The following KCNMB2 variants were observed in gnomAD, a reference collection of about 807,000 sequenced individuals.
The protein encoded by KCNMB2 is potassium calcium-activated channel subfamily M regulatory beta subunit 2, also known as calcium-activated potassium channel subunit beta-2.
KCNMB2 carries 9 observed loss-of-function variants against 24.5 expected under a neutral mutation model. The ratio of observed to expected loss-of-function variants is 0.37; its 90% CI spans 0.22 to 0.64. The LOEUF (loss-of-function observed/expected upper bound fraction) is 0.64. KCNMB2 is among the 30% of genes least tolerant of loss of function. The pLI, the probability that KCNMB2 is intolerant of heterozygous loss-of-function variation, is 0.63. For missense variants in KCNMB2, 226 were observed against 284.3 expected (o/e 0.79, Z 1.47); for synonymous variants, 109 against 104.4 (o/e 1.04, Z -0.27).
At chr3:178,775,037 C>A (rs1712524545) in intron 1 of KCNMB2, among the ~76,000 whole-genome samples, 1 of 152,206 alleles carries the variant, frequency 6.6e-6, no homozygotes, top group African/African-American at 2.4e-5. Flanking sequence ...GAAACAGATT[C>A]ACTTTCTTTA....
chr3:178,548,792 T>G (rs1304266228), intron 1 of KCNMB2, among the ~76,000 whole-genome samples: 1 of 152,226 alleles, frequency 6.6e-6, no homozygotes, highest in African/African-American at 2.4e-5. Flanking sequence ...CATAATTATA[T>G]GTATAAATAA....
chr3:178,682,826 C>T (rs1721315388), intron 1 of KCNMB2, among the ~76,000 whole-genome samples: 1 of 151,788 alleles, frequency 6.6e-6, no homozygotes, highest in African/African-American at 2.4e-5. Context: ...TACCATCTCA[C>T]ATCAGTCAAA....
chr3:178,716,886 G>C (rs1722635564), intron 1 of KCNMB2, among the ~76,000 whole-genome samples: 1 of 152,060 alleles, frequency 6.6e-6, no homozygotes. Flanking sequence ...ACATTCCAGG[G>C]ACACCCCTTC....
intron 1 of KCNMB2, among the ~76,000 whole-genome samples, chr3:178,736,359 G>T (rs1434036547): frequency 1.3e-5 from 2 of 152,058 alleles, no homozygotes; most frequent in African/African-American, 4.8e-5. Flanking sequence ...ATCTTTAAAG[G>T]GCCTGCTTCT....
chr3:178,818,144 C>G (rs537814591), intron 2 of KCNMB2, among the ~76,000 whole-genome samples: 7 of 152,298 alleles, frequency 4.6e-5, no homozygotes, highest in Non-Finnish European at 8.8e-5. Flanking sequence ...CTCTTCTGCC[C>G]TTTCCATGTT....
At chr3:178,624,928 G>A (rs1283883997) in intron 1 of KCNMB2, among the ~76,000 whole-genome samples, 1 of 152,130 alleles carries the variant, frequency 6.6e-6, no homozygotes, top group Non-Finnish European at 1.5e-5. Flanking sequence ...GCTGCCCAGA[G>A]TGAGGGAAAC....
intron 1 of KCNMB2, among the ~76,000 whole-genome samples, chr3:178,679,051 TG>T (rs1335859127): frequency 7.0e-4 from 52 of 73,914 alleles, no homozygotes; most frequent in African/African-American, 2.3e-3. Context: ...TTTTTTGTTT[TG>T]TTTTTGTTTT....
At chr3:178,552,387 C>G (rs1443834611) in intron 1 of KCNMB2, among the ~76,000 whole-genome samples, 2 of 152,080 alleles carry the variant, frequency 1.3e-5, no homozygotes, top group Non-Finnish European at 1.5e-5. Context: ...TAAACCCCCC[C>G]CCAAAATATT....
At chr3:178,812,422 G>A (rs1714231557) in intron 2 of KCNMB2, among the ~76,000 whole-genome samples, 1 of 126,590 alleles carries the variant, frequency 7.9e-6, no homozygotes, top group Admixed American at 1.0e-4. Flanking sequence ...GGTGTGTGAT[G>A]TTCCCCTTCC....
chr3:178,663,546 C>A (rs923380274), intron 1 of KCNMB2, among the ~76,000 whole-genome samples: 1 of 152,070 alleles, frequency 6.6e-6, no homozygotes, highest in South Asian at 2.1e-4. Context: ...TTCTGACTTA[C>A]AAAATCCCTT....
At position 178,607,510 on chromosome 3, in the gene KCNMB2, G is replaced by A. The variant is rs112307091; in HGVS notation, c.-68+70799G>A. Among the ~76,000 whole-genome samples the A allele has an allele frequency of 8.5e-5, 13 of 152,240 alleles. 1 individual carries two copies. The highest frequency in any genetic ancestry group is 3.1e-4 in the African/African-American group (13 of 41,552). ...TACAGAGTTGTGTTTCTCAGTCTCT[G>A]TAATGTAGGCATTGTATCTTATCTG... On this transcript the variant is annotated intron_variant, in intron 1 of 4. Transcript: ENST00000452583.
chr3:178,805,839 T>A (rs144426649), intron 1 of KCNMB2, among the ~76,000 whole-genome samples: 2 of 152,086 alleles, frequency 1.3e-5, no homozygotes, highest in Non-Finnish European at 2.9e-5. Flanking sequence ...GATCTTGCTA[T>A]GTTGCCAGGT....
intron 1 of KCNMB2, among the ~76,000 whole-genome samples, chr3:178,690,472 A>G (rs933334836): frequency 6.6e-6 from 1 of 152,218 alleles, no homozygotes; most frequent in African/African-American, 2.4e-5. Context: ...ACCAAAATAT[A>G]TAAAAGCATC....
chr3:178,823,912 C>CCA (rs111809643), intron 2 of KCNMB2, among the ~76,000 whole-genome samples: 39,269 of 151,406 alleles, frequency 0.26, 6,766 homozygotes, highest in African/African-American at 0.5. Flanking sequence ...TTGCCTGAAG[C>CCA]TAAAAAAAAA....
At chr3:178,686,070 A>G (rs1012118383) in intron 1 of KCNMB2, among the ~76,000 whole-genome samples, 1 of 152,110 alleles carries the variant, frequency 6.6e-6, no homozygotes, top group African/African-American at 2.4e-5. Flanking sequence ...GAGAGATAAT[A>G]AACCTTGATG....
intron 1 of KCNMB2, among the ~76,000 whole-genome samples, chr3:178,626,590 G>A (rs1279914738): frequency 1.3e-5 from 2 of 152,112 alleles, no homozygotes; most frequent in Non-Finnish European, 1.5e-5. Context: ...CAGCAGGAGA[G>A]AAAGGGTATG....
rs139558767 is a variant in KCNMB2 at position 178,695,685 on chromosome 3, C to T, written c.-67-111658C>T. ...GTTCCTCATCTCCATCCGAGACCAC[C>T]TCAGCCTGGATTTCATTGTCTATAT... On this transcript the variant is annotated intron_variant, in intron 1 of 4. Coordinates refer to ENST00000452583, the MANE Select transcript of KCNMB2 (RefSeq NM_181361.3). Among the ~76,000 whole-genome samples, 1,146 of 152,262 alleles carry T rather than the reference C, an allele frequency of 7.5e-3. 15 individuals carry two copies. Among genetic ancestry groups the T allele is most frequent in the African/African-American group, 0.027 (1,111 of 41,550 alleles).
intron 1 of KCNMB2, among the ~76,000 whole-genome samples, chr3:178,747,330 C>A (rs1723704437): frequency 1.3e-5 from 2 of 152,162 alleles, no homozygotes; most frequent in African/African-American, 4.8e-5. Flanking sequence ...GACATGCACC[C>A]ATGACTCAAT....
intron 1 of KCNMB2, among the ~76,000 whole-genome samples, chr3:178,551,259 T>C (rs1472072488): frequency 6.6e-6 from 1 of 152,246 alleles, no homozygotes; most frequent in East Asian, 1.9e-4. Context: ...TCCTATTTTG[T>C]AGATTACACA....
Sources: gnomAD v4.1 joint callset for allele counts (sites outside exome capture counted in the v4.1 genomes callset) on GRCh38, gnomAD v4.1.1 for gene constraint, MANE v1.5 for transcripts, NCBI Gene and HGNC (gene_info 2026-07-23, HGNC 2026-07-21) for gene names.